The following TAF1B variants were observed in gnomAD, a reference collection of about 807,000 sequenced individuals.
The protein encoded by TAF1B is TATA box-binding protein-associated factor RNA polymerase I subunit B.
In TAF1B, 61 loss-of-function variants were observed where a neutral mutation model predicts 83.9. The observed-to-expected ratio is 0.73, with a 90% CI of 0.59 to 0.90. The LOEUF is 0.90. TAF1B is among the 40% of genes least tolerant of loss of function. TAF1B has a pLI of 0.00. For missense variants in TAF1B, 625 were observed against 677.0 expected (o/e 0.92, Z 0.85); for synonymous variants, 221 against 224.6 (o/e 0.98, Z 0.14).
At chr2:9,889,060 C>G (rs1177966941) in intron 8 of TAF1B, among the ~76,000 whole-genome samples, 2 of 151,814 alleles carry the variant, frequency 1.3e-5, no homozygotes, top group East Asian at 3.9e-4. Context: ...CCTCGGCCTC[C>G]CAGAGTGCTG....
At chr2:9,849,595 A>G (rs1663320547) in intron 3 of TAF1B, 135 bp downstream of exon 3, 1 of 548,172 alleles carries the variant, frequency 1.8e-6, no homozygotes. Flanking sequence ...ACGTTCTTCT[A>G]TCCTATGTCT....
chr2:9,930,033 C>G (rs1252723480), intron 14 of TAF1B, among the ~76,000 whole-genome samples: 1 of 151,934 alleles, frequency 6.6e-6, no homozygotes, highest in Admixed American at 6.6e-5. Context: ...GTGGTGATAT[C>G]CCCTTTATCA....
intron 2 of TAF1B, among the ~76,000 whole-genome samples, chr2:9,847,190 T>C (rs1663233318): frequency 6.6e-6 from 1 of 152,214 alleles, no homozygotes; most frequent in Admixed American, 6.5e-5. Context: ...GACTGTCAAC[T>C]CCTGTGGAGT....
intron 11 of TAF1B, among the ~76,000 whole-genome samples, chr2:9,912,878 A>G (rs1176355592): frequency 6.6e-6 from 1 of 152,238 alleles, no homozygotes; most frequent in East Asian, 1.9e-4. Flanking sequence ...GGATTAAACA[A>G]TTATCATATT....
At chr2:9,918,806 G>A (rs961960344) in intron 12 of TAF1B, among the ~76,000 whole-genome samples, 11 of 152,208 alleles carry the variant, frequency 7.2e-5, no homozygotes, top group Non-Finnish European at 1.3e-4. Flanking sequence ...GCTTCTTCAA[G>A]ATGTCACAGC....
intron 2 of TAF1B, 70 bp downstream of exon 2, chr2:9,845,388 C>CT (rs1264642961): frequency 8.6e-6 from 11 of 1,279,236 alleles, no homozygotes; most frequent in South Asian, 3.6e-5. Context: ...GATATGTAGT[C>CT]TAAGTCCCAA....
At chr2:9,870,605 T>C (rs1295183712) in intron 6 of TAF1B, among the ~76,000 whole-genome samples, 1 of 152,260 alleles carries the variant, frequency 6.6e-6, no homozygotes, top group African/African-American at 2.4e-5. Flanking sequence ...TATTACATCT[T>C]GATTTCTAGT....
chr2:9,910,069 CA>C lies in TAF1B; in HGVS notation c.956-666del, dbSNP rs149117465. On this transcript the variant is annotated intron_variant, in intron 9 of 14. Coordinates refer to ENST00000263663, the MANE Select transcript of TAF1B (RefSeq NM_005680.3). ...GCTTACATACTTAGATTGGGAAGTA[CA>C]GAAATTTTTTGTTTAGTTTTCAAAG... Among the ~76,000 whole-genome samples the C allele has an allele frequency of 3.2e-3, 492 of 152,216 alleles. 3 individuals are homozygous for C. The highest frequency in any genetic ancestry group is 0.011 in the African/African-American group (472 of 41,540).
At chr2:9,866,322 AAC>A (rs1663974680) in intron 5 of TAF1B, among the ~76,000 whole-genome samples, 1 of 152,232 alleles carries the variant, frequency 6.6e-6, no homozygotes, top group Admixed American at 6.5e-5. Context: ...GCAGCCCACA[AAC>A]ACATGAAAAA....
intron 3 of TAF1B, among the ~76,000 whole-genome samples, chr2:9,851,261 A>C (rs1297104629): frequency 6.6e-6 from 1 of 152,158 alleles, no homozygotes; most frequent in Admixed American, 6.6e-5. Context: ...ATTTCAGAAA[A>C]ATACAGATAA....
At chr2:9,848,823 G>C (rs1572209819) in intron 2 of TAF1B, among the ~76,000 whole-genome samples, 1 of 152,142 alleles carries the variant, frequency 6.6e-6, no homozygotes, top group East Asian at 1.9e-4. Context: ...TAAGATTGAA[G>C]ACTCTGATAT....
Position 9,904,889 on chromosome 2 carries a change from A to G in TAF1B, c.838A>G (p.Lys280Glu). 1 of 1,611,056 alleles carries G rather than the reference A, an allele frequency of 6.2e-7. No individual in the cohort carries two copies. The highest frequency in any genetic ancestry group is 1.1e-5 in the South Asian group (1 of 91,034). The change falls in exon 9 of 15, where the codon AAA becomes GAA. Residue 280 changes from lysine (K) to glutamate (E), a missense_variant. By Grantham distance (56) the Lys-to-Glu change is moderately conservative. Transcript: ENST00000263663. The stretch of plus-strand genomic sequence containing the variant: ...GCCTGACTACGAGGACATCTACAAA[A>G]AAACAGTAGAAGTTGGAACATTTTT... ...SWPDYEDIYK[K>E]TVEVGTFLDL... is the part of the protein sequence containing the mutation.
Position 9,934,137 on chromosome 2 carries a change from A to G in TAF1B, c.*153A>G, listed in dbSNP as rs1572304198. Reference sequence around the variant, plus strand: ...ATATATATCAAGTGTGCTTAGAAAAATGTATATTGTAAAGCAGGTGAGCTT... The same window carrying G: ...ATATATATCAAGTGTGCTTAGAAAAGTGTATATTGTAAAGCAGGTGAGCTT... On this transcript the variant is annotated 3_prime_UTR_variant, in exon 15 of 15. Coordinates refer to ENST00000263663, the MANE Select transcript of TAF1B (RefSeq NM_005680.3). 19 of 629,592 alleles carry G rather than the reference A, an allele frequency of 3.0e-5. No homozygotes were observed. The East Asian group carries it at 5.4e-4, about 18-fold the overall frequency. 39.0% of individuals were successfully genotyped at this position (629,592 alleles called of 1,614,324 possible).
At chr2:9,872,664 A>G (rs959656658) in intron 6 of TAF1B, among the ~76,000 whole-genome samples, 2 of 152,170 alleles carry the variant, frequency 1.3e-5, no homozygotes, top group African/African-American at 4.8e-5. Flanking sequence ...AGCAGGAGAG[A>G]GCAGAGGCTA....
At chr2:9,843,765 G>A (rs1017326830) in intron 1 of TAF1B, 6 of 526,774 alleles carry the variant, frequency 1.1e-5, no homozygotes, top group Middle Eastern at 5.0e-4. Flanking sequence ...GGAGTTTCTG[G>A]CTCGGCGAGG....
intron 12 of TAF1B, among the ~76,000 whole-genome samples, chr2:9,917,576 A>G (rs1665720055): frequency 1.3e-5 from 2 of 152,164 alleles, no homozygotes; most frequent in African/African-American, 2.4e-5. Context: ...CTTCAGAATA[A>G]CCCTGTGAAA....
intron 3 of TAF1B, 60 bp downstream of exon 3, chr2:9,849,520 G>A: frequency 7.9e-7 from 1 of 1,260,870 alleles, no homozygotes; most frequent in Non-Finnish European, 1.1e-6. Context: ...CCTTCATGAT[G>A]TCAGGACATG....
At chr2:9,865,186 G>A (rs1389121709) in intron 5 of TAF1B, among the ~76,000 whole-genome samples, 1 of 152,046 alleles carries the variant, frequency 6.6e-6, no homozygotes, top group Non-Finnish European at 1.5e-5. Flanking sequence ...TATGTCTAGA[G>A]AACCCCATTG....
intron 8 of TAF1B, among the ~76,000 whole-genome samples, chr2:9,887,094 T>C (rs1204503382): frequency 6.6e-6 from 1 of 152,038 alleles, no homozygotes; most frequent in Non-Finnish European, 1.5e-5. Flanking sequence ...TGCCCACCTA[T>C]GGGGAGTGTG....
Sources: gnomAD v4.1 joint callset for allele counts (sites outside exome capture counted in the v4.1 genomes callset) on GRCh38, gnomAD v4.1.1 for gene constraint, MANE v1.5 for transcripts, NCBI Gene and HGNC (gene_info 2026-07-23, HGNC 2026-07-21) for gene names.